Variants in HAT1 observed in about 807,000 individuals in gnomAD.
The protein encoded by HAT1 is histone acetyltransferase 1.
A neutral mutation model predicts 56.6 loss-of-function variants in HAT1; 20 were observed. That is an observed-to-expected ratio of 0.35 (90% confidence interval 0.25 to 0.51). The LOEUF (loss-of-function observed/expected upper bound fraction) is 0.51, where lower values mean the gene tolerates loss of function less well. HAT1 is among the 20% of genes least tolerant of loss of function. The pLI, the probability that HAT1 is intolerant of heterozygous loss-of-function variation, is 0.95. For missense variants in HAT1, 408 were observed against 504.3 expected, an observed-to-expected ratio of 0.81 and a Z score of 1.83; for synonymous variants, 146 against 165.5, an observed-to-expected ratio of 0.88 and a Z score of 0.91.
At chr2:171,963,625 G>C (rs1056581173) in intron 4 of HAT1, among the ~76,000 whole-genome samples, 4 of 151,966 alleles carry the variant, frequency 2.6e-5, no homozygotes, top group Non-Finnish European at 4.4e-5. Context: ...GTTTTTCTTG[G>C]CTTTTTAAAA....
At chr2:171,977,323 G>A (rs1426152471) in intron 9 of HAT1, among the ~76,000 whole-genome samples, 7 of 147,578 alleles carry the variant, frequency 4.7e-5, no homozygotes, top group African/African-American at 7.5e-5. Context: ...TTAGCTGGGC[G>A]TGGTGGCGCG....
rs1002755302 is a variant in HAT1, at chr2:171,976,234, T to C, written c.901T>C (p.Ser301Pro). The C allele has an allele frequency of 1.3e-6, 2 of 1,596,560 alleles. No homozygotes were observed. Among genetic ancestry groups the C allele is most frequent in the Non-Finnish European group, 1.7e-6 (2 of 1,170,594 alleles). Residue 301 changes from serine to proline, a missense_variant, in exon 9 of 11, where the codon TCC becomes CCC. Ser to Pro is a moderately conservative substitution (Grantham distance 74). Coordinates refer to ENST00000264108, the MANE Select transcript of HAT1 (RefSeq NM_003642.4). ...GCTTTGTCAAGATTTGCCCTGTTTT[T>C]CCCGGGAAAAATTAATGCAAGGATT... is the stretch of plus-strand genomic sequence containing the variant. Reference protein sequence around the residue: ...VKLCQDLPCFSREKLMQGFNE... With the variant: ...VKLCQDLPCFPREKLMQGFNE...
At chr2:171,939,359 C>T (rs547378065) in intron 2 of HAT1, among the ~76,000 whole-genome samples, 2 of 152,284 alleles carry the variant, frequency 1.3e-5, no homozygotes, top group African/African-American at 4.8e-5. Flanking sequence ...AATGCAGCCA[C>T]TTTATCTGCC....
rs200028451 is a variant in HAT1 at position 171,979,806 on chromosome 2, T to TGAAAA, written c.1092+464_1092+468dup. On this transcript the variant is annotated intron_variant, in intron 10 of 10. Coordinates refer to ENST00000264108, the MANE Select transcript of HAT1 (RefSeq NM_003642.4). ...TGGGTGACAAGAGCAAAACTCCATC[T>TGAAAA]GAAAAGAAAAGAAAAGAAAAGAAAA... 3.8e-3 allele frequency: 564 copies of TGAAAA among 149,844 alleles called. 3 individuals carry two copies. Among genetic ancestry groups the TGAAAA allele is most frequent in the East Asian group, 0.014 (68 of 5,026 alleles). The allele number at this position is 149,844 out of a possible 1,614,324, so 9.3% of individuals were successfully genotyped here.
chr2:171,971,669 C>G (rs1166339983), intron 8 of HAT1, among the ~76,000 whole-genome samples: 1 of 152,142 alleles, frequency 6.6e-6, no homozygotes, highest in African/African-American at 2.4e-5. Flanking sequence ...CACTACCAAG[C>G]CGTCATGATT....
At chr2:171,931,682 A>C (rs187247718) in intron 2 of HAT1, among the ~76,000 whole-genome samples, 175 of 152,240 alleles carry the variant, frequency 1.1e-3, no homozygotes, top group African/African-American at 4.1e-3. Flanking sequence ...TCGGGGGGGA[A>C]AAACAGCCAT....
intron 2 of HAT1, among the ~76,000 whole-genome samples, chr2:171,932,208 G>A (rs1686766342): frequency 6.6e-6 from 1 of 152,082 alleles, no homozygotes; most frequent in Non-Finnish European, 1.5e-5. Flanking sequence ...GTTTTGTTAA[G>A]ACTCTTTGTT....
intron 2 of HAT1, among the ~76,000 whole-genome samples, chr2:171,945,470 A>G (rs2105318349): frequency 6.6e-6 from 1 of 150,452 alleles, no homozygotes; most frequent in East Asian, 1.9e-4. Context: ...TTTATAGGGC[A>G]CTTTAGCTAG....
Position 171,976,178 on chromosome 2 carries a change from A to G in HAT1, c.845A>G (p.Tyr282Cys). 6.3e-7 allele frequency: 1 copy of G among 1,587,210 alleles called. No homozygotes were observed. Among genetic ancestry groups the G allele is most frequent in the Non-Finnish European group, 8.6e-7 (1 of 1,166,074 alleles). Reference sequence around the variant, plus strand: ...TTAGCGGAAGATCCATCCAAAAGCTATGTGAAATTACGAGACTTTGTGCTT... The same window carrying G: ...TTAGCGGAAGATCCATCCAAAAGCTGTGTGAAATTACGAGACTTTGTGCTT... Reference protein sequence around the residue: ...DITAEDPSKSYVKLRDFVLVK... With the variant: ...DITAEDPSKSCVKLRDFVLVK... The change falls in exon 9 of 11, where the codon TAT becomes TGT. Residue 282 changes from tyrosine (Y) to cysteine (C), a missense_variant. Transcript: ENST00000264108.
intron 4 of HAT1, among the ~76,000 whole-genome samples, chr2:171,953,657 T>TAAAAAAAAAAAAAAAAAAAAAAAAAA (rs1687369481): frequency 1.5e-5 from 1 of 68,344 alleles, no homozygotes; most frequent in African/African-American, 5.8e-5. Flanking sequence ...AAAAAAAAAT[T>TAAAAAAAAAAAAAAAAAAAAAAAAAA]AAGGTTTGAG....
At chr2:171,945,343 C>G (rs937460716) in intron 2 of HAT1, among the ~76,000 whole-genome samples, 1 of 151,770 alleles carries the variant, frequency 6.6e-6, no homozygotes, top group Non-Finnish European at 1.5e-5. Flanking sequence ...AAATTGAAGT[C>G]GAGGGTACAG....
Position 171,972,741 on chromosome 2 carries a change from A to G in HAT1, c.824-3416A>G, listed in dbSNP as rs543662077. Among the ~76,000 whole-genome samples the G allele has an allele frequency of 6.2e-4, 94 of 152,336 alleles. 1 individual carries two copies. The highest frequency in any genetic ancestry group is 3.4e-3 in the Middle Eastern group (1 of 294). Reference sequence around the variant, plus strand: ...ATCTGCTCCTATATAGTCCATGCTTACTTCTTCAGGGAGAGTGACTGCATT... The same window carrying G: ...ATCTGCTCCTATATAGTCCATGCTTGCTTCTTCAGGGAGAGTGACTGCATT... On this transcript the variant is annotated intron_variant, in intron 8 of 10. Coordinates refer to ENST00000264108, the MANE Select transcript of HAT1 (RefSeq NM_003642.4).
At chr2:171,977,430 C>T (rs1188844875) in intron 9 of HAT1, among the ~76,000 whole-genome samples, 1 of 147,118 alleles carries the variant, frequency 6.8e-6, no homozygotes, top group African/African-American at 2.5e-5. Flanking sequence ...CCACTACACT[C>T]CAGCCTGGGC....
chr2:171,975,684 T>C lies in HAT1; in HGVS notation c.824-473T>C, dbSNP rs370536681. The stretch of plus-strand genomic sequence containing the variant: ...TATTCCCTTTTAATTCTTGTGATTT[T>C]TGTAAAGTTGGTAGGAATATCCCTT... On this transcript the variant is annotated intron_variant, in intron 8 of 10. Transcript: ENST00000264108. Among the ~76,000 whole-genome samples, 5 of 152,312 alleles carry C rather than the reference T, an allele frequency of 3.3e-5. 1 individual carries two copies. The highest frequency in any genetic ancestry group is 1.2e-4 in the African/African-American group (5 of 41,572).
At chr2:171,939,736 A>G (rs1686970378) in intron 2 of HAT1, among the ~76,000 whole-genome samples, 1 of 152,100 alleles carries the variant, frequency 6.6e-6, no homozygotes, top group African/African-American at 2.4e-5. Context: ...TTAGCTAGCC[A>G]GCATTACTCA....
At chr2:171,928,915 T>G (rs1043229495) in intron 2 of HAT1, among the ~76,000 whole-genome samples, 8 of 152,166 alleles carry the variant, frequency 5.3e-5, no homozygotes, top group Admixed American at 3.3e-4. Flanking sequence ...ATTGTATGAG[T>G]TTTTTTGTGG....
At chr2:171,941,628 A>G (rs1452089784) in intron 2 of HAT1, among the ~76,000 whole-genome samples, 5 of 152,160 alleles carry the variant, frequency 3.3e-5, no homozygotes, top group Non-Finnish European at 5.9e-5. Context: ...AGCAGTTCTC[A>G]GTAGGGTTTT....
intron 3 of HAT1, among the ~76,000 whole-genome samples, chr2:171,947,885 A>G (rs1687211079): frequency 6.6e-6 from 1 of 152,206 alleles, no homozygotes; most frequent in Non-Finnish European, 1.5e-5. Flanking sequence ...TCAAAAAAAC[A>G]AAAACAAAAT....
chr2:171,942,243 G>GT (rs1268598889), intron 2 of HAT1, among the ~76,000 whole-genome samples: 1 of 152,062 alleles, frequency 6.6e-6, no homozygotes, highest in East Asian at 1.9e-4. Flanking sequence ...AATTGTTTCA[G>GT]TTTTTTATAC....
Sources: gnomAD v4.1 joint callset for allele counts (sites outside exome capture counted in the v4.1 genomes callset) on GRCh38, gnomAD v4.1.1 for gene constraint, MANE v1.5 for transcripts, NCBI Gene and HGNC (gene_info 2026-07-23, HGNC 2026-07-21) for gene names.